PDSS2: variants seen among roughly 807,000 people sequenced by gnomAD.
PDSS2 encodes the protein decaprenyl diphosphate synthase subunit 2.
In PDSS2, 31 loss-of-function variants were observed where a neutral mutation model predicts 44.5. The observed-to-expected ratio is 0.70, with a 90% CI of 0.52 to 0.94. The LOEUF is 0.94. PDSS2 is among the 40% of genes least tolerant of loss of function. PDSS2 has a pLI of 0.00. For synonymous variants in PDSS2, 157 were observed against 180.3 expected, an observed-to-expected ratio of 0.87 and a Z score of 1.03; for missense variants, 452 against 482.2, an observed-to-expected ratio of 0.94 and a Z score of 0.59.
chr6:107,386,494 T>G (rs1236990471), intron 1 of PDSS2, among the ~76,000 whole-genome samples: 1 of 152,194 alleles, frequency 6.6e-6, no homozygotes, highest in African/African-American at 2.4e-5. Context: ...TTTAAATCAC[T>G]GACATTATTT....
intron 1 of PDSS2, among the ~76,000 whole-genome samples, chr6:107,455,289 A>G (rs1782000507): frequency 6.6e-6 from 1 of 150,390 alleles, no homozygotes; most frequent in Admixed American, 6.7e-5. Flanking sequence ...AACTAAGTAG[A>G]CGAACTACGG....
intron 7 of PDSS2, among the ~76,000 whole-genome samples, chr6:107,188,856 A>T (rs1355175568): frequency 2.0e-5 from 3 of 152,216 alleles, no homozygotes; most frequent in Non-Finnish European, 4.4e-5. Context: ...AGATGTCAGC[A>T]CTATGCTTCT....
chr6:107,167,599 T>C (rs1277164545), intron 7 of PDSS2, among the ~76,000 whole-genome samples: 1 of 152,224 alleles, frequency 6.6e-6, no homozygotes, highest in Non-Finnish European at 1.5e-5. Context: ...TTTTCTGCTT[T>C]CTCTTGTGGG....
At chr6:107,299,824 G>C (rs1776635473) in intron 2 of PDSS2, among the ~76,000 whole-genome samples, 1 of 152,106 alleles carries the variant, frequency 6.6e-6, no homozygotes, top group South Asian at 2.1e-4. Context: ...TTGTCCTGGG[G>C]GCTTGGAGCC....
intron 2 of PDSS2, among the ~76,000 whole-genome samples, chr6:107,300,839 G>T (rs935937270): frequency 5.9e-5 from 9 of 152,184 alleles, no homozygotes; most frequent in Admixed American, 5.9e-4. Flanking sequence ...ATACATACAT[G>T]TATGTGTTTT....
At chr6:107,418,315 G>A (rs1780726976) in intron 1 of PDSS2, among the ~76,000 whole-genome samples, 1 of 152,214 alleles carries the variant, frequency 6.6e-6, no homozygotes, top group Non-Finnish European at 1.5e-5. Context: ...TGAGGTACAA[G>A]TCAAAGGATG....
chr6:107,284,852 G>C (rs1411290323), intron 2 of PDSS2, among the ~76,000 whole-genome samples: 1 of 152,154 alleles, frequency 6.6e-6, no homozygotes, highest in Non-Finnish European at 1.5e-5. Context: ...GACAATTACT[G>C]TATGCTGAAC....
intron 2 of PDSS2, among the ~76,000 whole-genome samples, chr6:107,318,387 C>A (rs1237270338): frequency 1.3e-5 from 2 of 152,008 alleles, no homozygotes; most frequent in Non-Finnish European, 2.9e-5. Flanking sequence ...TCCAGAAGAT[C>A]CCAGGTCTCT....
intron 7 of PDSS2, among the ~76,000 whole-genome samples, chr6:107,155,877 CTTTTTTTTTTTTT>C (rs60840656): frequency 0.033 from 1,733 of 51,826 alleles, 48 homozygotes; most frequent in East Asian, 0.15. Context: ...CTTGCCCGGC[CTTTTTTTTTTTTT>C]TTTTTTTTTT....
At chr6:107,455,830 T>C (rs1447015704) in intron 1 of PDSS2, among the ~76,000 whole-genome samples, 1 of 148,932 alleles carries the variant, frequency 6.7e-6, no homozygotes, top group African/African-American at 2.5e-5. Flanking sequence ...AGGAGTAACC[T>C]GAACTCAGAA....
intron 2 of PDSS2, among the ~76,000 whole-genome samples, chr6:107,322,694 A>C (rs1321250964): frequency 6.6e-6 from 1 of 151,942 alleles, no homozygotes; most frequent in Non-Finnish European, 1.5e-5. Context: ...AAATACAAAA[A>C]CATTAGCCAG....
chr6:107,227,942 G>A (rs531154990), intron 4 of PDSS2, among the ~76,000 whole-genome samples: 1 of 152,254 alleles, frequency 6.6e-6, no homozygotes, highest in South Asian at 2.1e-4. Context: ...GATAAAAATT[G>A]GGACTCACCA....
chr6:107,331,946 T>C (rs1196485415), intron 2 of PDSS2, among the ~76,000 whole-genome samples: 2 of 152,102 alleles, frequency 1.3e-5, no homozygotes, highest in East Asian at 3.9e-4. Context: ...ATGGAATTCC[T>C]AACCGAAAAC....
chr6:107,267,610 A>T (rs1775453587), intron 3 of PDSS2, among the ~76,000 whole-genome samples: 1 of 142,306 alleles, frequency 7.0e-6, no homozygotes, highest in Non-Finnish European at 1.5e-5. Context: ...TTTTTTTGAG[A>T]CAGGGGCTCT....
chr6:107,372,131 A>T (rs568263702), intron 1 of PDSS2, among the ~76,000 whole-genome samples: 1 of 152,276 alleles, frequency 6.6e-6, no homozygotes, highest in African/African-American at 2.4e-5. Flanking sequence ...GATGTTATGG[A>T]CTTCTATTCT....
intron 1 of PDSS2, among the ~76,000 whole-genome samples, chr6:107,398,965 C>A (rs1780027631): frequency 6.6e-6 from 1 of 152,134 alleles, no homozygotes; most frequent in Admixed American, 6.5e-5. Flanking sequence ...AGAATGTATT[C>A]ATATTCTACA....
At chr6:107,286,011 G>T (rs1038536438) in intron 2 of PDSS2, among the ~76,000 whole-genome samples, 3 of 151,992 alleles carry the variant, frequency 2.0e-5, no homozygotes, top group Admixed American at 6.6e-5. Context: ...TTGGTGGCGG[G>T]TGCCTGTAAT....
intron 7 of PDSS2, among the ~76,000 whole-genome samples, chr6:107,158,278 C>T (rs782288047): frequency 3.3e-5 from 5 of 151,222 alleles, no homozygotes; most frequent in South Asian, 2.1e-4. Flanking sequence ...CTCCACCTCT[C>T]GGGTTCAAGC....
intron 1 of PDSS2, among the ~76,000 whole-genome samples, chr6:107,390,753 AT>A (rs1779754583): frequency 6.6e-6 from 1 of 152,132 alleles, no homozygotes; most frequent in African/African-American, 2.4e-5. Context: ...ATCTAACATT[AT>A]TCCAAATAAA....
Sources: gnomAD v4.1 joint callset for allele counts (sites outside exome capture counted in the v4.1 genomes callset) on GRCh38, gnomAD v4.1.1 for gene constraint, MANE v1.5 for transcripts, NCBI Gene and HGNC (gene_info 2026-07-23, HGNC 2026-07-21) for gene names.